The following SAE1 variants were observed in gnomAD, a reference collection of about 807,000 sequenced individuals.
The protein encoded by SAE1 is SUMO-activating enzyme subunit 1.
In SAE1, 11 loss-of-function variants were observed where a neutral mutation model predicts 40.6. The observed-to-expected ratio is 0.27, with a 90% CI of 0.17 to 0.45. The LOEUF (loss-of-function observed/expected upper bound fraction) is 0.45, where lower values mean the gene tolerates loss of function less well. Ranked by LOEUF, SAE1 falls within the 20% of genes least tolerant of loss-of-function variation. SAE1 has a pLI of 1.00. For synonymous variants in SAE1, 155 were observed against 154.3 expected (o/e 1.00, Z -0.03); for missense variants, 373 against 427.3 (o/e 0.87, Z 1.12).
chr19:47,154,480 C>CTTTTTTTTTT (rs57870733), intron 4 of SAE1, among the ~76,000 whole-genome samples: 1 of 51,576 alleles, frequency 1.9e-5, no homozygotes, highest in Non-Finnish European at 3.3e-5. Context: ...TTAAGTTTGG[C>CTTTTTTTTTT]TTTTTTTTTT....
In SAE1 at chr19:47,210,596, T is replaced by C. The variant is rs1317916127; in HGVS notation, c.*1345T>C. 1 of 152,164 alleles carries C rather than the reference T, an allele frequency of 6.6e-6. No homozygotes were observed. Among genetic ancestry groups the C allele is most frequent in the Non-Finnish European group, 1.5e-5 (1 of 68,040 alleles). 9.4% of individuals were successfully genotyped at this position (152,164 alleles called of 1,614,324 possible). A position where few individuals can be genotyped will look rare whatever the true frequency, so the allele number is the denominator to read the frequency against. On this transcript the variant is annotated 3_prime_UTR_variant, in exon 9 of 9. Transcript: ENST00000270225. Reference sequence around the variant, plus strand: ...TGCTTGTGTTTCTTCTTTATGTAAATTGTGTGATGTTTCAATAAATCAGTC... The same window carrying C: ...TGCTTGTGTTTCTTCTTTATGTAAACTGTGTGATGTTTCAATAAATCAGTC...
chr19:47,165,185 G>A (rs2058385176), intron 5 of SAE1, among the ~76,000 whole-genome samples: 1 of 149,988 alleles, frequency 6.7e-6, no homozygotes, highest in Non-Finnish European at 1.5e-5. Context: ...AGCCTCCTGG[G>A]TTCAAGCGAT....
At chr19:47,178,918 G>C (rs1057059010) in intron 6 of SAE1, among the ~76,000 whole-genome samples, 7 of 152,162 alleles carry the variant, frequency 4.6e-5, no homozygotes, top group Non-Finnish European at 8.8e-5. Flanking sequence ...ATCTCACCTG[G>C]CGCGGTGGCT....
chr19:47,149,179 T>TC (rs2058271945), intron 2 of SAE1, among the ~76,000 whole-genome samples: 1 of 145,604 alleles, frequency 6.9e-6, no homozygotes, highest in South Asian at 2.2e-4. Flanking sequence ...TTTTTTTTTT[T>TC]TTTTTTTTTG....
chr19:47,194,995 G>A (rs1484375631), intron 6 of SAE1, among the ~76,000 whole-genome samples: 1 of 148,736 alleles, frequency 6.7e-6, no homozygotes, highest in Non-Finnish European at 1.5e-5. Flanking sequence ...TGCCTGCCTC[G>A]GCCTCCCAAA....
Position 47,179,244 on chromosome 19 carries a change from G to A in SAE1, c.733+9321G>A, listed in dbSNP as rs138515083. Among the ~76,000 whole-genome samples, 87 of 151,310 alleles carry A rather than the reference G, an allele frequency of 5.7e-4. 2 individuals carry two copies. The East Asian group carries it at 0.016, about 28-fold the overall frequency. ...TCTCTAGCCGGTCGCGATGGCTCAC[G>A]CCTGTAATCCTAGCACTTTGGGAGG... On this transcript the variant is annotated intron_variant, in intron 6 of 8. Coordinates refer to ENST00000270225, the MANE Select transcript of SAE1 (RefSeq NM_005500.3).
At chr19:47,148,922 T>C (rs1411162191) in intron 2 of SAE1, among the ~76,000 whole-genome samples, 1 of 151,144 alleles carries the variant, frequency 6.6e-6, no homozygotes, top group Non-Finnish European at 1.5e-5. Context: ...CCATAGTCTA[T>C]CTATGTTTTT....
At chr19:47,182,265 C>G (rs529837174) in intron 6 of SAE1, among the ~76,000 whole-genome samples, 1 of 152,108 alleles carries the variant, frequency 6.6e-6, no homozygotes, top group African/African-American at 2.4e-5. Context: ...GCAAAGCAGG[C>G]CATAGGCAGC....
chr19:47,167,945 C>A (rs1163357140), intron 5 of SAE1, among the ~76,000 whole-genome samples: 2 of 152,174 alleles, frequency 1.3e-5, no homozygotes, highest in Non-Finnish European at 2.9e-5. Context: ...ATAATCCCAA[C>A]ACTTTGGGAG....
intron 5 of SAE1, among the ~76,000 whole-genome samples, chr19:47,155,500 G>T (rs62135079): frequency 0.089 from 13,505 of 151,912 alleles, 908 homozygotes; most frequent in East Asian, 0.3. Context: ...TTTTCTTGTC[G>T]CTCAGGCTGG....
At chr19:47,174,223 T>C (rs2058453778) in intron 6 of SAE1, among the ~76,000 whole-genome samples, 1 of 152,100 alleles carries the variant, frequency 6.6e-6, no homozygotes, top group Non-Finnish European at 1.5e-5. Flanking sequence ...TTTTCAGTTT[T>C]GAGTTCCAGG....
intron 6 of SAE1, among the ~76,000 whole-genome samples, chr19:47,188,903 G>C (rs536112118): frequency 6.8e-6 from 1 of 148,082 alleles, no homozygotes; most frequent in Admixed American, 6.7e-5. Flanking sequence ...TGGAGGGCCT[G>C]GTCACTTGAC....
intron 1 of SAE1, among the ~76,000 whole-genome samples, chr19:47,137,589 C>T (rs889047574): frequency 2.0e-5 from 3 of 151,912 alleles, no homozygotes; most frequent in Admixed American, 6.6e-5. Flanking sequence ...CCTCCACCTC[C>T]CGGGTTCAAG....
At chr19:47,166,105 TG>T (rs1266879852) in intron 5 of SAE1, among the ~76,000 whole-genome samples, 2 of 152,190 alleles carry the variant, frequency 1.3e-5, no homozygotes, top group Non-Finnish European at 2.9e-5. Flanking sequence ...CAGGACTTTT[TG>T]TGGGCTGCTT....
chr19:47,175,565 C>CAA (rs2058464130), intron 6 of SAE1, among the ~76,000 whole-genome samples: 2 of 151,958 alleles, frequency 1.3e-5, no homozygotes, highest in South Asian at 4.1e-4. Flanking sequence ...GGTGAAATCC[C>CAA]GTCTCTACTA....
intron 2 of SAE1, among the ~76,000 whole-genome samples, chr19:47,145,936 GTTT>G (rs11321351): frequency 1.2e-4 from 16 of 129,828 alleles, no homozygotes; most frequent in Non-Finnish European, 1.6e-4. Context: ...CATTCTCAAG[GTTT>G]TTTTTTTTTT....
At chr19:47,194,026 ATCT>A (rs1349582019) in intron 6 of SAE1, among the ~76,000 whole-genome samples, 2 of 151,582 alleles carry the variant, frequency 1.3e-5, no homozygotes, top group Admixed American at 6.6e-5. Flanking sequence ...GTGGTTTGAG[ATCT>A]TCTTGGAACA....
At chr19:47,201,267 T>TATTCCTC (rs2058652732) in intron 7 of SAE1, among the ~76,000 whole-genome samples, 1 of 147,164 alleles carries the variant, frequency 6.8e-6, no homozygotes, top group Non-Finnish European at 1.5e-5. Context: ...CAGACTGATC[T>TATTCCTC]CAAACTCCTG....
intron 6 of SAE1, among the ~76,000 whole-genome samples, chr19:47,176,536 G>T (rs2058469703): frequency 6.6e-6 from 1 of 152,178 alleles, no homozygotes; most frequent in Admixed American, 6.6e-5. Context: ...ATTGTAGAGG[G>T]AGAGTAGTGT....
Sources: allele counts gnomAD v4.1 joint callset (sites outside exome capture counted in the v4.1 genomes callset), GRCh38; gene constraint gnomAD v4.1.1; transcripts MANE v1.5; gene names NCBI Gene and HGNC (gene_info 2026-07-23, HGNC 2026-07-21).